The following FHIT variants were observed in gnomAD, a reference collection of about 807,000 sequenced individuals.
FHIT encodes the protein bis(5'-adenosyl)-triphosphatase.
Under a neutral mutation model 17.9 loss-of-function variants are expected in FHIT, and 19 were observed. The observed-to-expected ratio is 1.06, with a 90% confidence interval of 0.74 to 1.56. The LOEUF (loss-of-function observed/expected upper bound fraction) is 1.56. Among genes scored for constraint, FHIT ranks in the 40% most tolerant of loss-of-function variants. FHIT has a pLI of 0.00. For synonymous variants in FHIT, 81 were observed against 69.7 expected (o/e 1.16, Z -0.81); for missense variants, 248 against 189.2 (o/e 1.31, Z -1.82).
rs192256190 is a variant in FHIT, at chr3:60,611,643, G to C, written c.-17-74664C>G. On this transcript the variant is annotated intron_variant, in intron 4 of 9. Coordinates refer to ENST00000492590, the MANE Select transcript of FHIT (RefSeq NM_002012.4). ...CTGTGATGATTTTTATGTAGTGTAGGACAAGGACTTTCTAACGCTCGGCTC... is the reference window on the plus strand; with the variant it reads ...CTGTGATGATTTTTATGTAGTGTAGCACAAGGACTTTCTAACGCTCGGCTC... Among the ~76,000 whole-genome samples the C allele has an allele frequency of 7.8e-4, 118 of 152,192 alleles. 1 individual carries two copies. The highest frequency in any genetic ancestry group is 2.7e-3 in the African/African-American group (113 of 41,516).
At chr3:60,545,639 C>T (rs1026477883) in intron 4 of FHIT, among the ~76,000 whole-genome samples, 5 of 152,166 alleles carry the variant, frequency 3.3e-5, no homozygotes, top group African/African-American at 1.2e-4. Flanking sequence ...CTTTTCATAT[C>T]CAGATATATA....
intron 5 of FHIT, among the ~76,000 whole-genome samples, chr3:60,282,404 G>C (rs905814394): frequency 2.6e-5 from 4 of 152,126 alleles, no homozygotes; most frequent in African/African-American, 9.7e-5. Context: ...GAAAACTATA[G>C]AGGCAATAAA....
chr3:60,037,650 G>A (rs1432825394), intron 5 of FHIT, among the ~76,000 whole-genome samples: 1 of 151,890 alleles, frequency 6.6e-6, no homozygotes, highest in African/African-American at 2.4e-5. Flanking sequence ...TCAAAGTGCT[G>A]GGATTACAGG....
intron 5 of FHIT, among the ~76,000 whole-genome samples, chr3:60,123,478 A>G (rs1417006869): frequency 6.6e-6 from 1 of 152,204 alleles, no homozygotes; most frequent in East Asian, 1.9e-4. Flanking sequence ...AAACTTAGGG[A>G]GAAGTTGTGA....
At chr3:60,924,493 G>C (rs1707468816) in intron 3 of FHIT, among the ~76,000 whole-genome samples, 2 of 152,168 alleles carry the variant, frequency 1.3e-5, no homozygotes, top group African/African-American at 2.4e-5. Flanking sequence ...CTGCAGCTGA[G>C]AGTCCTGACT....
At chr3:61,002,391 T>G (rs1359221246) in intron 3 of FHIT, among the ~76,000 whole-genome samples, 3 of 152,078 alleles carry the variant, frequency 2.0e-5, no homozygotes, top group African/African-American at 7.2e-5. Context: ...GCCTCCCGAG[T>G]AGCTGGGACT....
At chr3:60,012,513 C>A (rs1700183002) in intron 6 of FHIT, among the ~76,000 whole-genome samples, 1 of 152,030 alleles carries the variant, frequency 6.6e-6, no homozygotes, top group African/African-American at 2.4e-5. Flanking sequence ...AAGAGAGCTG[C>A]CGGTCTTAGC....
chr3:59,869,180 G>A (rs1393665847), intron 8 of FHIT, among the ~76,000 whole-genome samples: 2 of 152,086 alleles, frequency 1.3e-5, no homozygotes, highest in Non-Finnish European at 2.9e-5. Context: ...ATGAAACTAC[G>A]GCTCCTCTTT....
At chr3:60,726,071 G>A (rs1716752) in intron 4 of FHIT, among the ~76,000 whole-genome samples, 145,794 of 152,286 alleles carry the variant, frequency 0.96, 69,865 homozygotes, top group East Asian at 1. Context: ...GCACGTATGC[G>A]AAATATACAA....
chr3:60,462,624 G>A lies in FHIT; in HGVS notation c.103+74236C>T, dbSNP rs767972947. Among the ~76,000 whole-genome samples, 14 of 152,224 alleles carry A rather than the reference G, an allele frequency of 9.2e-5. No homozygotes were observed. In the South Asian group the frequency reaches 1.0e-3, roughly 11 times the overall value. On this transcript the variant is annotated intron_variant, in intron 5 of 9. Coordinates refer to ENST00000492590, the MANE Select transcript of FHIT (RefSeq NM_002012.4). ...AGGTAGGAGCAAAAGCAAGAGATCC[G>A]CCAGGATAAAGGGCTTGGAGAGCAG...
chr3:61,206,231 T>C (rs1022841964), intron 1 of FHIT, among the ~76,000 whole-genome samples: 4 of 132,406 alleles, frequency 3.0e-5, no homozygotes, highest in African/African-American at 8.5e-5. Flanking sequence ...CCTTGTAGTA[T>C]AGTTTGAAGT....
At chr3:60,039,821 T>C (rs1701364255) in intron 5 of FHIT, among the ~76,000 whole-genome samples, 1 of 152,176 alleles carries the variant, frequency 6.6e-6, no homozygotes, top group Non-Finnish European at 1.5e-5. Context: ...TGCTGTCATT[T>C]CTGAGCCATC....
rs913600263 is a variant in FHIT, at chr3:60,446,042, T to G, written c.103+90818A>C. On this transcript the variant is annotated intron_variant, in intron 5 of 9. Transcript: ENST00000492590. Reference sequence around the variant, plus strand: ...TTACTGAAAAGCAGCAGTTGGAAACTGAAATGCCTACAGTACAAGTAGTAA... The same window carrying G: ...TTACTGAAAAGCAGCAGTTGGAAACGGAAATGCCTACAGTACAAGTAGTAA... Among the ~76,000 whole-genome samples, 9 of 152,222 alleles carry G rather than the reference T, an allele frequency of 5.9e-5. No homozygotes were observed. In the East Asian group the frequency reaches 1.7e-3, roughly 30 times the overall value.
intron 7 of FHIT, among the ~76,000 whole-genome samples, chr3:59,991,623 T>C (rs1301123391): frequency 1.3e-5 from 2 of 152,076 alleles, no homozygotes; most frequent in Non-Finnish European, 2.9e-5. Flanking sequence ...CTTTTCATCT[T>C]AGTCCCTTCT....
At chr3:61,004,067 C>A (rs2031277993) in intron 3 of FHIT, among the ~76,000 whole-genome samples, 1 of 151,696 alleles carries the variant, frequency 6.6e-6, no homozygotes, top group South Asian at 2.1e-4. Context: ...GTTGAGGGCA[C>A]CGAGACGAAT....
intron 5 of FHIT, among the ~76,000 whole-genome samples, chr3:60,023,093 G>C (rs1408421285): frequency 1.3e-5 from 2 of 152,172 alleles, no homozygotes; most frequent in Non-Finnish European, 2.9e-5. Context: ...GCTCTTAGGA[G>C]TTAAGACTTG....
intron 5 of FHIT, among the ~76,000 whole-genome samples, chr3:60,329,290 C>T (rs908726410): frequency 2.6e-5 from 4 of 152,040 alleles, no homozygotes; most frequent in African/African-American, 7.2e-5. Context: ...GTGTTCTAGC[C>T]ATTAGCCATT....
intron 7 of FHIT, among the ~76,000 whole-genome samples, chr3:60,000,205 A>C (rs371172780): frequency 3.8e-4 from 58 of 152,268 alleles, no homozygotes; most frequent in African/African-American, 1.4e-3. Context: ...TCCTAAAGTC[A>C]AGGGAATCCT....
chr3:60,172,807 C>T (rs981065813), intron 5 of FHIT, among the ~76,000 whole-genome samples: 8 of 152,120 alleles, frequency 5.3e-5, no homozygotes, highest in African/African-American at 1.9e-4. Context: ...AAGAGGTCTT[C>T]TGTCTACTAG....
Sources: allele counts gnomAD v4.1 joint callset (sites outside exome capture counted in the v4.1 genomes callset), GRCh38; gene constraint gnomAD v4.1.1; transcripts MANE v1.5; gene names NCBI Gene and HGNC (gene_info 2026-07-23, HGNC 2026-07-21).